Variants in TOX3 observed in about 807,000 individuals in gnomAD.
TOX3 encodes CAG trinucleotide repeat-containing gene F9 protein.
Under a neutral mutation model 64.3 loss-of-function variants are expected in TOX3, and 22 were observed. That is an observed-to-expected ratio of 0.34 (90% CI 0.24 to 0.49). The LOEUF is 0.49. Ranked by LOEUF, TOX3 falls within the 20% of genes least tolerant of loss-of-function variation. The pLI is 0.99. For missense variants in TOX3, 661 were observed against 714.4 expected (o/e 0.93, Z 0.85); for synonymous variants, 291 against 273.6 (o/e 1.06, Z -0.63).
At chr16:52,469,762 T>A (rs1242327992) in intron 1 of TOX3, among the ~76,000 whole-genome samples, 1 of 152,208 alleles carries the variant, frequency 6.6e-6, no homozygotes, top group Non-Finnish European at 1.5e-5. Context: ...AAGACTCATA[T>A]AATCCTCTTC....
intron 1 of TOX3, among the ~76,000 whole-genome samples, chr16:52,546,122 C>G (rs1596876546): frequency 6.6e-6 from 1 of 152,036 alleles, no homozygotes; most frequent in Non-Finnish European, 1.5e-5. Flanking sequence ...CTTCCCCCCA[C>G]TCCCCTGTCC....
chr16:52,518,009 A>C (rs942169983), intron 1 of TOX3, among the ~76,000 whole-genome samples: 2 of 152,174 alleles, frequency 1.3e-5, no homozygotes, highest in African/African-American at 4.8e-5. Context: ...TACATGTAAC[A>C]CTTCTGATAA....
At chr16:52,541,763 C>T (rs1831312248) in intron 1 of TOX3, among the ~76,000 whole-genome samples, 1 of 152,208 alleles carries the variant, frequency 6.6e-6, no homozygotes, top group Non-Finnish European at 1.5e-5. Flanking sequence ...ATGCTAGTCT[C>T]TACTGAGCAC....
intron 6 of TOX3, among the ~76,000 whole-genome samples, chr16:52,440,809 G>A (rs1183427903): frequency 2.3e-5 from 3 of 129,536 alleles, no homozygotes; most frequent in Admixed American, 1.9e-4. Flanking sequence ...CACCCAGGCT[G>A]GAGTGCAGCG....
chr16:52,546,429 G>C (rs1798176322), intron 1 of TOX3, among the ~76,000 whole-genome samples: 2 of 152,292 alleles, frequency 1.3e-5, no homozygotes, highest in East Asian at 1.9e-4. Context: ...GGGCTGAGGA[G>C]AGCGCCGGCT....
chr16:52,540,684 G>T (rs769470429), intron 1 of TOX3, among the ~76,000 whole-genome samples: 2 of 152,074 alleles, frequency 1.3e-5, no homozygotes, highest in Non-Finnish European at 2.9e-5. Flanking sequence ...AGATGTACAG[G>T]AAGAGAAAGT....
At chr16:52,496,253 G>T (rs924775035) in intron 1 of TOX3, among the ~76,000 whole-genome samples, 3 of 152,162 alleles carry the variant, frequency 2.0e-5, no homozygotes, top group Admixed American at 1.3e-4. Context: ...CTTATATCAA[G>T]TTGACACTTC....
At chr16:52,464,275 A>G (rs1169030253) in intron 2 of TOX3, 87 bp from the exon 3 acceptor site, 2 of 1,346,820 alleles carry the variant, frequency 1.5e-6, no homozygotes, top group South Asian at 2.1e-5. Context: ...CATTGCATGA[A>G]AACACTACAT....
intron 6 of TOX3, among the ~76,000 whole-genome samples, chr16:52,443,901 G>A (rs753442521): frequency 6.6e-5 from 10 of 152,050 alleles, no homozygotes; most frequent in African/African-American, 2.4e-4. Flanking sequence ...ATAACCACAG[G>A]AGAATTTATA....
chr16:52,513,351 A>T (rs1962362074), intron 1 of TOX3, among the ~76,000 whole-genome samples: 1 of 152,202 alleles, frequency 6.6e-6, no homozygotes, highest in African/African-American at 2.4e-5. Context: ...GATGATAATC[A>T]TTTCCTCTTT....
In TOX3 at chr16:52,450,501, G is replaced by C. The variant is rs770661385; in HGVS notation, c.454C>G (p.Leu152Val). 5 of 1,614,062 alleles carry C rather than the reference G, an allele frequency of 3.1e-6. No individual in the cohort carries two copies. The highest frequency in any genetic ancestry group is 4.2e-6 in the Non-Finnish European group (5 of 1,179,900). Residue 152 changes from leucine (L) to valine (V), a missense_variant, in exon 4 of 7, where the codon CTG becomes GTG. Around this residue, in one of 3 missense-constraint regions of TOX3, gnomAD observed 259 missense variants for 261.2 expected, o/e 0.99. Coordinates refer to ENST00000219746, the MANE Select transcript of TOX3 (RefSeq NM_001080430.4). ...QVSQYRQDPS[L>V]IMRSIVHMTD... Reference sequence around the variant, plus strand: ...ATGTGGACGATGGACCGCATGATCAGGGAGGGATCCTGCCGGTACTGGGAC... The same window carrying C: ...ATGTGGACGATGGACCGCATGATCACGGAGGGATCCTGCCGGTACTGGGAC...
intron 1 of TOX3, among the ~76,000 whole-genome samples, chr16:52,524,587 C>T (rs904675389): frequency 3.3e-5 from 5 of 152,178 alleles, no homozygotes; most frequent in African/African-American, 1.2e-4. Flanking sequence ...CCTCCCCTTC[C>T]CACAGAGGGC....
At chr16:52,451,353 T>C (rs749684561) in intron 3 of TOX3, among the ~76,000 whole-genome samples, 1 of 152,228 alleles carries the variant, frequency 6.6e-6, no homozygotes, top group Admixed American at 6.5e-5. Context: ...CCATCAGAAA[T>C]AGCTTTTTCT....
chr16:52,501,107 A>T (rs78002616), intron 1 of TOX3, among the ~76,000 whole-genome samples: 1 of 152,202 alleles, frequency 6.6e-6, no homozygotes, highest in Admixed American at 6.5e-5. Flanking sequence ...ATTCCTCACA[A>T]CAGCCTATGA....
intron 2 of TOX3, among the ~76,000 whole-genome samples, chr16:52,465,955 G>A (rs754292532): frequency 2.6e-5 from 4 of 152,186 alleles, no homozygotes; most frequent in Admixed American, 6.5e-5. Context: ...CCCAAAAGCT[G>A]TCAGTTTCTA....
intron 1 of TOX3, among the ~76,000 whole-genome samples, chr16:52,497,761 T>C (rs1000326736): frequency 2.6e-5 from 4 of 152,156 alleles, no homozygotes; most frequent in Non-Finnish European, 1.5e-5. Flanking sequence ...AGGAGCTAGA[T>C]GTCCTTACAG....
At chr16:52,543,412 T>C (rs1233560841) in intron 1 of TOX3, among the ~76,000 whole-genome samples, 1 of 152,248 alleles carries the variant, frequency 6.6e-6, no homozygotes, top group South Asian at 2.1e-4. Flanking sequence ...GGATTTCAGA[T>C]TAGTGCTAAA....
intron 3 of TOX3, among the ~76,000 whole-genome samples, chr16:52,457,675 A>G (rs191297122): frequency 1.5e-3 from 227 of 152,342 alleles, no homozygotes; most frequent in Non-Finnish European, 2.5e-3. Context: ...TCTTATAGCA[A>G]TGTTAAAATT....
At position 52,446,150 on chromosome 16, in the gene TOX3, T is replaced by C; in HGVS notation, c.750A>G (p.Lys250=). The C allele has an allele frequency of 6.2e-7, 1 of 1,613,968 alleles. No homozygotes were observed. The highest frequency in any genetic ancestry group is 2.2e-5 in the East Asian group (1 of 44,878). The change falls in exon 5 of 7, where the codon AAA becomes AAG. Residue 250 remains lysine, a synonymous_variant. Coordinates refer to ENST00000219746, the MANE Select transcript of TOX3 (RefSeq NM_001080430.4). ...KPKTPKKKKK[K]DPNEPQKPVS... ...CTGGCTTCTGTGGCTCATTGGGATC[T>C]TTCTTTTTCTTTTTCTTTGGAGTCT...
Sources: gnomAD v4.1 joint callset for allele counts (sites outside exome capture counted in the v4.1 genomes callset) on GRCh38, gnomAD v4.1.1 for gene constraint, gnomAD v4.1.1 regional missense constraint, MANE v1.5 for transcripts, NCBI Gene and HGNC (gene_info 2026-07-23, HGNC 2026-07-21) for gene names.